SGCD: variants seen among roughly 807,000 people sequenced by gnomAD.
The protein encoded by SGCD is sarcoglycan delta.
In SGCD, 18 loss-of-function variants were observed where a neutral mutation model predicts 36.6. That is an observed-to-expected ratio of 0.49 (90% CI 0.34 to 0.73). SGCD has a LOEUF of 0.73. Among genes scored for constraint, SGCD ranks in the 30% least tolerant of loss-of-function variants. The pLI is 0.01. For missense variants in SGCD, 387 were observed against 346.7 expected (o/e 1.12, Z -0.92); for synonymous variants, 133 against 130.6 (o/e 1.02, Z -0.12).
At chr5:156,222,145 G>A (rs114880222) in intron 3 of SGCD, among the ~76,000 whole-genome samples, 1,546 of 152,046 alleles carry the variant, frequency 0.01, 12 homozygotes, top group Non-Finnish European at 0.017. Context: ...AGAAGAGGCC[G>A]CTTCTAAAAG....
At chr5:155,941,951 G>A (rs138276256) in intron 1 of SGCD, among the ~76,000 whole-genome samples, 42 of 152,284 alleles carry the variant, frequency 2.8e-4, no homozygotes, top group Admixed American at 2.7e-3. Context: ...CTAGTGCAGA[G>A]AAGGTCACCC....
At chr5:156,090,243 G>A (rs1431133021) in intron 1 of SGCD, among the ~76,000 whole-genome samples, 1 of 152,104 alleles carries the variant, frequency 6.6e-6, no homozygotes, top group Non-Finnish European at 1.5e-5. Context: ...TTTCCAGATG[G>A]CTCTGTGAGC....
At chr5:156,524,489 G>A (rs1253998499) in intron 4 of SGCD, among the ~76,000 whole-genome samples, 2 of 150,828 alleles carry the variant, frequency 1.3e-5, no homozygotes, top group Admixed American at 6.6e-5. Context: ...TATATTTAAG[G>A]TGTACAAACT....
intron 3 of SGCD, among the ~76,000 whole-genome samples, chr5:156,416,556 AG>A (rs1773048895): frequency 6.6e-6 from 1 of 152,208 alleles, no homozygotes; most frequent in Non-Finnish European, 1.5e-5. Flanking sequence ...GGGGGAAAAA[AG>A]TGCTTTGGCA....
At chr5:155,975,772 G>A (rs1230145681) in intron 1 of SGCD, among the ~76,000 whole-genome samples, 2 of 150,968 alleles carry the variant, frequency 1.3e-5, no homozygotes, top group African/African-American at 4.9e-5. Context: ...TTGGATTACA[G>A]GCACCTGCTA....
Position 156,745,204 on chromosome 5 carries a change from G to A in SGCD, c.576-12377G>A, listed in dbSNP as rs375184145. Among the ~76,000 whole-genome samples the A allele has an allele frequency of 1.3e-4, 20 of 152,256 alleles. No individual in the cohort carries two copies. In the East Asian group the frequency reaches 3.3e-3, roughly 25 times the overall value. On this transcript the variant is annotated intron_variant, in intron 7 of 8. Coordinates refer to ENST00000337851, the MANE Select transcript of SGCD (RefSeq NM_000337.6). ...GTAAGGGTGAAATAGAATCTAATCTGCCTAGTCTTCCCTACCTGGCCCTTC... is the reference window on the plus strand; with the variant it reads ...GTAAGGGTGAAATAGAATCTAATCTACCTAGTCTTCCCTACCTGGCCCTTC...
chr5:155,735,399 T>G, the SGCD span, among the ~76,000 whole-genome samples: 1 of 152,288 alleles, frequency 6.6e-6, no homozygotes, highest in South Asian at 2.1e-4. Context: ...AGCCCAAAAG[T>G]TTGAAAAACT....
chr5:156,581,438 C>T (rs150834532), intron 4 of SGCD, among the ~76,000 whole-genome samples: 3,450 of 152,260 alleles, frequency 0.023, 106 homozygotes, highest in African/African-American at 0.077. Context: ...CTGGGAGAAC[C>T]GCTGCTCTCT....
chr5:155,876,205 C>T (rs574149751), intron 1 of SGCD, among the ~76,000 whole-genome samples: 1 of 114,542 alleles, frequency 8.7e-6, no homozygotes, highest in Non-Finnish European at 1.7e-5. Context: ...CCCCCTCCCC[C>T]CACCCCACCA....
chr5:156,131,703 G>A (rs1185263335), intron 3 of SGCD, among the ~76,000 whole-genome samples: 1 of 152,076 alleles, frequency 6.6e-6, no homozygotes, highest in Non-Finnish European at 1.5e-5. Flanking sequence ...AGAAAAAAAA[G>A]GCATTTAATT....
At chr5:155,835,664 A>C in the SGCD span, among the ~76,000 whole-genome samples, 1 of 152,216 alleles carries the variant, frequency 6.6e-6, no homozygotes, top group Non-Finnish European at 1.5e-5. Context: ...TTTTAGCAAA[A>C]GTATTTGCCA....
At chr5:156,210,221 C>T (rs747757218) in intron 3 of SGCD, among the ~76,000 whole-genome samples, 2 of 152,178 alleles carry the variant, frequency 1.3e-5, no homozygotes, top group Admixed American at 1.3e-4. Flanking sequence ...CCTAGGCCAG[C>T]CTGCTTAAAA....
At chr5:156,193,119 C>T (rs998060893) in intron 3 of SGCD, among the ~76,000 whole-genome samples, 1 of 152,068 alleles carries the variant, frequency 6.6e-6, no homozygotes, top group African/African-American at 2.4e-5. Context: ...CTGTCTAACA[C>T]AAGCTAATCA....
At position 156,766,648 on chromosome 5, in the gene SGCD, T is replaced by C. The variant is rs962054332; in HGVS notation, c.*7258T>C. 6.7e-6 allele frequency: 1 copy of C among 150,370 alleles called. No individual in the cohort carries two copies. The highest frequency in any genetic ancestry group is 2.5e-5 in the African/African-American group (1 of 40,734). 9.3% of individuals were successfully genotyped at this position (150,370 alleles called of 1,614,324 possible). The stretch of plus-strand genomic sequence containing the variant: ...GGGAGAAAATGAGTGCATCTGAAGT[T>C]CCTTACAGCTTGGTTTCTTTGGAAT... On this transcript the variant is annotated 3_prime_UTR_variant, in exon 9 of 9. Coordinates refer to ENST00000337851, the MANE Select transcript of SGCD (RefSeq NM_000337.6).
intron 3 of SGCD, among the ~76,000 whole-genome samples, chr5:156,395,752 G>A (rs1463550613): frequency 6.6e-6 from 1 of 152,174 alleles, no homozygotes; most frequent in Non-Finnish European, 1.5e-5. Context: ...GTAGAGCCTG[G>A]TTTCAGACAC....
At chr5:156,425,975 G>A (rs951205351) in intron 3 of SGCD, among the ~76,000 whole-genome samples, 5 of 152,090 alleles carry the variant, frequency 3.3e-5, no homozygotes, top group Middle Eastern at 3.4e-3. Context: ...GGGTATTTAC[G>A]TTGGTTTCAT....
chr5:156,710,491 C>A (rs980574815), intron 7 of SGCD, among the ~76,000 whole-genome samples: 13 of 152,268 alleles, frequency 8.5e-5, no homozygotes, highest in Non-Finnish European at 4.4e-5. Flanking sequence ...CAGCCCCAGG[C>A]GGTCCTGAGA....
chr5:156,125,884 A>ATTG (rs1762159293), intron 3 of SGCD, among the ~76,000 whole-genome samples: 1 of 139,286 alleles, frequency 7.2e-6, no homozygotes. Context: ...TATTATTATT[A>ATTG]TTATTATTTT....
intron 1 of SGCD, among the ~76,000 whole-genome samples, chr5:155,972,669 C>T (rs757136138): frequency 1.3e-5 from 2 of 152,108 alleles, no homozygotes; most frequent in Middle Eastern, 3.4e-3. Context: ...ACAAAAATTA[C>T]AGAATTACCC....
Sources: gnomAD v4.1 joint callset for allele counts (sites outside exome capture counted in the v4.1 genomes callset) on GRCh38, gnomAD v4.1.1 for gene constraint, MANE v1.5 for transcripts, NCBI Gene and HGNC (gene_info 2026-07-23, HGNC 2026-07-21) for gene names.